Variants in KCNQ5 observed in about 807,000 individuals in gnomAD.
KCNQ5 encodes potassium voltage-gated channel subfamily Q member 5.
A neutral mutation model predicts 98.2 loss-of-function variants in KCNQ5; 30 were observed. That is an observed-to-expected ratio of 0.31 (90% CI 0.23 to 0.41). The LOEUF (loss-of-function observed/expected upper bound fraction) is 0.41, where lower values mean the gene tolerates loss of function less well. KCNQ5 is among the 10% of genes least tolerant of loss of function. The pLI is 1.00. For synonymous variants in KCNQ5, 458 were observed against 449.4 expected, an observed-to-expected ratio of 1.02 and a Z score of -0.24; for missense variants, 835 against 1,182.5, an observed-to-expected ratio of 0.71 and a Z score of 4.31.
intron 1 of KCNQ5, among the ~76,000 whole-genome samples, chr6:72,859,009 A>G (rs1482295216): frequency 1.4e-5 from 2 of 142,896 alleles, no homozygotes; most frequent in African/African-American, 5.0e-5. Context: ...GAGTCTATAC[A>G]TATTTCAAAA....
Position 72,884,946 on chromosome 6 carries a change from C to A in KCNQ5, c.399-118962C>A, listed in dbSNP as rs185423719. ...TAATTTAAATTTTTAAAATGTAGGT[C>A]ATGGCTAACTAATCATAATAATTAT... On this transcript the variant is annotated intron_variant, in intron 1 of 13. Transcript: ENST00000370398. Among the ~76,000 whole-genome samples, 3 of 152,220 alleles carry A rather than the reference C, an allele frequency of 2.0e-5. No individual in the cohort carries two copies. In the East Asian group the frequency reaches 5.8e-4, roughly 29 times the overall value.
In KCNQ5 at chr6:72,622,548, A is replaced by C; in HGVS notation, c.359A>C (p.Glu120Ala). 1.2e-6 allele frequency: 2 copies of C among 1,612,282 alleles called. No individual in the cohort carries two copies. The highest frequency in any genetic ancestry group is 1.7e-6 in the Non-Finnish European group (2 of 1,179,502). ...CAGAACTACCTGTACAACGTGCTGG[A>C]GAGACCCCGCGGCTGGGCGTTCATC... The part of the protein sequence containing the change: ...RVQNYLYNVL[E>A]RPRGWAFIYH... The change falls in exon 1 of 14, where the codon GAG (glutamate) becomes GCG (alanine). Residue 120 changes from glutamate to alanine, a missense_variant. Glu to Ala is a moderately radical substitution (Grantham distance 107, BLOSUM62 -1). Coordinates refer to ENST00000370398, the MANE Select transcript of KCNQ5 (RefSeq NM_019842.4). This position sits in a 1 kb window ranked among gnomAD's most constrained non-coding sequence, Gnocchi z 6.0.
chr6:72,852,467 G>A (rs1359981745), intron 1 of KCNQ5, among the ~76,000 whole-genome samples: 3 of 150,580 alleles, frequency 2.0e-5, no homozygotes, highest in Admixed American at 1.3e-4. Context: ...CAACAACATG[G>A]ATGGAACTGG....
chr6:72,835,459 G>A (rs1252490907), intron 1 of KCNQ5, among the ~76,000 whole-genome samples: 1 of 151,936 alleles, frequency 6.6e-6, no homozygotes, highest in Non-Finnish European at 1.5e-5. Flanking sequence ...AAGCAAAATT[G>A]ACTAAAATTT....
At chr6:72,988,512 G>A (rs921763944) in intron 1 of KCNQ5, among the ~76,000 whole-genome samples, 22 of 152,154 alleles carry the variant, frequency 1.4e-4, no homozygotes, top group African/African-American at 5.3e-4. Context: ...TAGAGGGGAG[G>A]GGAAGGAGAA....
At chr6:72,648,582 G>A (rs529834603) in intron 1 of KCNQ5, among the ~76,000 whole-genome samples, 4 of 151,918 alleles carry the variant, frequency 2.6e-5, no homozygotes, top group South Asian at 2.1e-4. Context: ...TACATATGTT[G>A]TATAGATTTT....
chr6:72,780,956 C>A (rs2154477854), intron 1 of KCNQ5, among the ~76,000 whole-genome samples: 1 of 152,230 alleles, frequency 6.6e-6, no homozygotes, highest in East Asian at 1.9e-4. Context: ...CCACTGTTTT[C>A]TTATTTTTCA....
intron 10 of KCNQ5, among the ~76,000 whole-genome samples, chr6:73,142,086 A>G (rs1400681502): frequency 1.3e-5 from 2 of 152,190 alleles, no homozygotes; most frequent in African/African-American, 2.4e-5. Context: ...GGTTGCCTGA[A>G]TGTCCATATG....
rs978356726 is a variant in KCNQ5 at position 73,197,157 on chromosome 6, AT to A, written c.*1745del. 1 of 152,076 alleles carries A rather than the reference AT, an allele frequency of 6.6e-6. No individual in the cohort carries two copies. The highest frequency in any genetic ancestry group is 2.4e-5 in the African/African-American group (1 of 41,396). The allele number at this position is 152,076 out of a possible 1,614,324, so 9.4% of individuals were successfully genotyped here. A position where few individuals can be genotyped will look rare whatever the true frequency, so the allele number is the denominator to read the frequency against. On this transcript the variant is annotated 3_prime_UTR_variant, in exon 14 of 14. Coordinates refer to ENST00000370398, the MANE Select transcript of KCNQ5 (RefSeq NM_019842.4). ...CCCTCCCCAACAGGCTTTCTCCATC[AT>A]TGACTCTCCCCTGCTTTTCTTCTTC...
intron 3 of KCNQ5, among the ~76,000 whole-genome samples, chr6:73,066,295 C>G (rs1462166742): frequency 6.6e-6 from 1 of 152,132 alleles, no homozygotes; most frequent in Non-Finnish European, 1.5e-5. Flanking sequence ...GCACCCGCCC[C>G]TCTGTGACTC....
intron 1 of KCNQ5, among the ~76,000 whole-genome samples, chr6:72,702,513 T>C (rs1768866184): frequency 1.3e-5 from 2 of 152,168 alleles, no homozygotes; most frequent in Admixed American, 1.3e-4. Flanking sequence ...TTGGAATAAA[T>C]AGCTATGATC....
chr6:73,072,551 C>A (rs919486373), intron 3 of KCNQ5, among the ~76,000 whole-genome samples: 1 of 152,106 alleles, frequency 6.6e-6, no homozygotes, highest in African/African-American at 2.4e-5. Flanking sequence ...TAGACAGGGT[C>A]CATGGTGATC....
At chr6:72,702,630 T>A (rs1768872192) in intron 1 of KCNQ5, among the ~76,000 whole-genome samples, 2 of 152,312 alleles carry the variant, frequency 1.3e-5, no homozygotes, top group South Asian at 4.1e-4. Context: ...AAGCATCAGA[T>A]AAGTTGTGAT....
At chr6:72,691,602 T>G (rs1478510481) in intron 1 of KCNQ5, among the ~76,000 whole-genome samples, 1 of 152,110 alleles carries the variant, frequency 6.6e-6, no homozygotes. Context: ...ATGTGAAATA[T>G]CAAGAAAGGA....
intron 1 of KCNQ5, among the ~76,000 whole-genome samples, chr6:72,627,787 C>T (rs144126587): frequency 1.3e-5 from 2 of 152,276 alleles, no homozygotes; most frequent in East Asian, 3.9e-4. Context: ...TGTCTCACCA[C>T]CATGTGTTTG....
At chr6:73,089,220 C>CA (rs932410169) in intron 5 of KCNQ5, among the ~76,000 whole-genome samples, 2 of 152,120 alleles carry the variant, frequency 1.3e-5, no homozygotes, top group East Asian at 3.9e-4. Flanking sequence ...GTTGGGAAGG[C>CA]AAACAATAAA....
intron 1 of KCNQ5, among the ~76,000 whole-genome samples, chr6:72,697,447 C>G (rs1049163888): frequency 3.3e-5 from 5 of 152,018 alleles, no homozygotes; most frequent in African/African-American, 1.2e-4. Context: ...TAGATTTATT[C>G]CTAGATTTAA....
chr6:72,818,761 A>T (rs1775619324), intron 1 of KCNQ5, among the ~76,000 whole-genome samples: 1 of 151,102 alleles, frequency 6.6e-6, no homozygotes, highest in Non-Finnish European at 1.5e-5. Flanking sequence ...TAAAATAATA[A>T]ATATTTAATT....
At chr6:73,088,130 C>T (rs1307670047) in intron 5 of KCNQ5, among the ~76,000 whole-genome samples, 1 of 150,280 alleles carries the variant, frequency 6.7e-6, no homozygotes, top group Non-Finnish European at 1.5e-5. Flanking sequence ...CAATCAATTC[C>T]CCTGCCTCAC....
Sources: gnomAD v4.1 joint callset for allele counts (sites outside exome capture counted in the v4.1 genomes callset) on GRCh38, gnomAD v4.1.1 for gene constraint, Gnocchi (gnomAD v3.1) non-coding constraint, MANE v1.5 for transcripts, NCBI Gene and HGNC (gene_info 2026-07-23, HGNC 2026-07-21) for gene names.